The following PCNP variants were observed in gnomAD, a reference collection of about 807,000 sequenced individuals.
PCNP encodes the protein PEST proteolytic signal containing nuclear protein, also known as PEST proteolytic signal-containing nuclear protein.
In PCNP, 6 loss-of-function variants were observed where a neutral mutation model predicts 21.8. That is an observed-to-expected ratio of 0.28 (90% CI 0.15 to 0.54). The LOEUF (loss-of-function observed/expected upper bound fraction) is 0.54, where lower values mean the gene tolerates loss of function less well. PCNP is among the 20% of genes least tolerant of loss of function. PCNP has a pLI of 0.95. For synonymous variants in PCNP, 67 were observed against 73.2 expected (o/e 0.92, Z 0.43); for missense variants, 161 against 215.5 (o/e 0.75, Z 1.58).
Position 101,580,009 on chromosome 3 carries a change from GT to G in PCNP, c.279+7del, listed in dbSNP as rs551159509. The stretch of plus-strand genomic sequence containing the variant: ...TCCATCAAACTTGGATCAAGTGTGA[GT>G]TGTTATTTCATATATGATGTTTGTA... On this transcript the variant is annotated splice_donor_region_variant and intron_variant, in intron 2 of 4. Transcript: ENST00000265260. 6.9e-6 allele frequency: 11 copies of G among 1,602,634 alleles called. No homozygotes were observed. Among genetic ancestry groups the G allele is most frequent in the Non-Finnish European group, 9.4e-6 (11 of 1,169,550 alleles).
At chr3:101,576,134 A>G (rs989512840) in intron 1 of PCNP, among the ~76,000 whole-genome samples, 3 of 152,078 alleles carry the variant, frequency 2.0e-5, no homozygotes, top group Non-Finnish European at 4.4e-5. Context: ...TTTTGAAAAC[A>G]CTGTCAAGTT....
intron 2 of PCNP, among the ~76,000 whole-genome samples, chr3:101,581,438 A>G (rs556827775): frequency 2.6e-5 from 4 of 151,104 alleles, no homozygotes; most frequent in Non-Finnish European, 5.9e-5. Context: ...TTATTTATTT[A>G]TTTATTTTTT....
intron 4 of PCNP, 54 bp from the exon 5 acceptor site, chr3:101,592,573 A>G (rs1935872860): frequency 1.4e-6 from 2 of 1,426,018 alleles, no homozygotes; most frequent in Non-Finnish European, 1.9e-6. Context: ...TCAAAATCAT[A>G]ACCTGAAAGG....
chr3:101,585,601 G>T, intron 3 of PCNP, 90 bp downstream of exon 3: 1 of 715,236 alleles, frequency 1.4e-6, no homozygotes, highest in South Asian at 1.9e-5. Flanking sequence ...TAGTATTAGT[G>T]AATTTTCTTT....
intron 2 of PCNP, among the ~76,000 whole-genome samples, chr3:101,584,641 T>G (rs931921247): frequency 3.3e-5 from 5 of 152,192 alleles, no homozygotes; most frequent in African/African-American, 9.7e-5. Flanking sequence ...CTCACCTCAC[T>G]GCAACCTCTG....
At chr3:101,587,763 G>T (rs1404560707) in intron 3 of PCNP, among the ~76,000 whole-genome samples, 1 of 151,860 alleles carries the variant, frequency 6.6e-6, no homozygotes. Flanking sequence ...AAGAAATCAG[G>T]TACCATTTGA....
At chr3:101,576,393 C>A in intron 1 of PCNP, 1 of 1,007,916 alleles carries the variant, frequency 9.9e-7, no homozygotes, top group South Asian at 2.0e-5. Flanking sequence ...GGCCACCACG[C>A]CCAGCTAATT....
intron 1 of PCNP, among the ~76,000 whole-genome samples, chr3:101,577,665 C>T (rs1576605748): frequency 6.6e-6 from 1 of 152,190 alleles, no homozygotes; most frequent in African/African-American, 2.4e-5. Flanking sequence ...GCTGGGATTA[C>T]AGGCCCTTGT....
rs369373010 is a variant in PCNP at position 101,586,575 on chromosome 3, A to T, written c.354+1064A>T. Among the ~76,000 whole-genome samples, 254 of 50,772 alleles carry T rather than the reference A, an allele frequency of 5.0e-3. 1 individual carries two copies. The highest frequency in any genetic ancestry group is 5.9e-3 in the Non-Finnish European group (111 of 18,726). The allele number at this position is 50,772 out of a possible 152,430, so 33.3% of individuals were successfully genotyped here. On this transcript the variant is annotated intron_variant, in intron 3 of 4. Coordinates refer to ENST00000265260, the MANE Select transcript of PCNP (RefSeq NM_020357.3). ...GTGTGTGTGTGTGTGTGTGTGTGAG[A>T]GAGAGAGAGAGAGAGTTTCTTGTTT...
At chr3:101,591,431 C>T (rs9840325) in intron 4 of PCNP, among the ~76,000 whole-genome samples, 1,728 of 152,278 alleles carry the variant, frequency 0.011, 36 homozygotes, top group African/African-American at 0.039. Flanking sequence ...TATACACAAG[C>T]GTAAGTCTCC....
intron 3 of PCNP, among the ~76,000 whole-genome samples, chr3:101,588,295 C>T (rs1160034593): frequency 6.6e-6 from 1 of 152,124 alleles, no homozygotes; most frequent in East Asian, 1.9e-4. Flanking sequence ...ATGGAGAAAT[C>T]AAGTATGCAT....
At position 101,586,170 on chromosome 3, in the gene PCNP, CAAAAAAAAAAAAA is replaced by C. The variant is rs10529220; in HGVS notation, c.354+674_354+686del. On this transcript the variant is annotated intron_variant, in intron 3 of 4. Transcript: ENST00000265260. The stretch of plus-strand genomic sequence containing the variant: ...TGGGCAACAGAGCTAGTCTCTGTCT[CAAAAAAAAAAAAA>C]AAAAAAAAAAAAAATGTCAACTATT... Among the ~76,000 whole-genome samples, 206 of 97,552 alleles carry C rather than the reference CAAAAAAAAAAAAA, an allele frequency of 2.1e-3. 2 individuals carry two copies. The highest frequency in any genetic ancestry group is 8.3e-3 in the African/African-American group (197 of 23,846). 64.0% of individuals were successfully genotyped at this position (97,552 alleles called of 152,430 possible). A position where few individuals can be genotyped will look rare whatever the true frequency, so the allele number is the denominator to read the frequency against.
intron 2 of PCNP, among the ~76,000 whole-genome samples, chr3:101,582,184 G>A (rs1352196929): frequency 6.6e-6 from 1 of 151,608 alleles, no homozygotes; most frequent in Non-Finnish European, 1.5e-5. Flanking sequence ...ACTGGGCGTG[G>A]TGGCTCACAC....
chr3:101,591,355 A>T (rs984834513), intron 4 of PCNP, among the ~76,000 whole-genome samples: 2 of 151,508 alleles, frequency 1.3e-5, no homozygotes, highest in African/African-American at 2.4e-5. Context: ...CCCACAAAGA[A>T]CTGAGTGGTA....
intron 1 of PCNP, among the ~76,000 whole-genome samples, chr3:101,577,961 G>C (rs62282184): frequency 2.6e-4 from 40 of 152,254 alleles, no homozygotes; most frequent in South Asian, 1.9e-3. Context: ...TATTTGCTCA[G>C]AGTACAAATT....
intron 1 of PCNP, among the ~76,000 whole-genome samples, chr3:101,575,548 T>C (rs1934832258): frequency 6.6e-6 from 1 of 151,952 alleles, no homozygotes; most frequent in South Asian, 2.1e-4. Context: ...TCTACTACTT[T>C]CTCACTAGGG....
At position 101,579,944 on chromosome 3, in the gene PCNP, T is replaced by G; in HGVS notation, c.219T>G (p.Phe73Leu). Residue 73 changes from phenylalanine (F) to leucine (L), a missense_variant, in exon 2 of 5, where the codon TTT (phenylalanine) becomes TTG (leucine). Phe to Leu is a conservative substitution (Grantham distance 22). Around this residue, in one of 4 missense-constraint regions of PCNP, gnomAD observed 66 missense variants for 127.8 expected, o/e 0.52. Transcript: ENST00000265260. Reference protein sequence around the residue: ...TKPTKISKFGFAIGSQTTKKA... With the variant: ...TKPTKISKFGLAIGSQTTKKA... The stretch of plus-strand genomic sequence containing the variant: ...CTACAAAGATCTCCAAGTTTGGATT[T>G]GCCATAGGTAGTCAGACGACAAAGA... The G allele has an allele frequency of 6.2e-7, 1 of 1,614,078 alleles. No homozygotes were observed. The highest frequency in any genetic ancestry group is 1.1e-5 in the South Asian group (1 of 91,078).
intron 4 of PCNP, among the ~76,000 whole-genome samples, chr3:101,592,319 A>G (rs1298791161): frequency 6.6e-6 from 1 of 151,972 alleles, no homozygotes; most frequent in Non-Finnish European, 1.5e-5. Flanking sequence ...GACTACAGGC[A>G]TGGACCACCA....
chr3:101,589,364 C>A (rs1323059949), intron 3 of PCNP, among the ~76,000 whole-genome samples: 1 of 151,422 alleles, frequency 6.6e-6, no homozygotes, highest in Non-Finnish European at 1.5e-5. Flanking sequence ...ACTTTCCCCA[C>A]AATTTTCAAC....
Sources: allele counts gnomAD v4.1 joint callset (sites outside exome capture counted in the v4.1 genomes callset), GRCh38; gene constraint gnomAD v4.1.1; regional missense constraint gnomAD v4.1.1; transcripts MANE v1.5; gene names NCBI Gene and HGNC (gene_info 2026-07-23, HGNC 2026-07-21).